GLIS1: variants seen among roughly 807,000 people sequenced by gnomAD.
GLIS1 encodes zinc finger protein GLIS1.
A neutral mutation model predicts 63.8 loss-of-function variants in GLIS1; 24 were observed. The ratio of observed to expected loss-of-function variants is 0.38; its 90% CI spans 0.27 to 0.53. GLIS1 has a LOEUF of 0.53. Among genes scored for constraint, GLIS1 ranks in the 20% least tolerant of loss-of-function variants. The pLI is 0.85. For synonymous variants in GLIS1, 450 were observed against 482.5 expected (o/e 0.93, Z 0.88); for missense variants, 1,036 against 1,074.1 (o/e 0.96, Z 0.50).
intron 2 of GLIS1, among the ~76,000 whole-genome samples, chr1:53,623,267 GA>G: frequency 6.6e-6 from 1 of 152,080 alleles, no homozygotes; most frequent in East Asian, 1.9e-4. Flanking sequence ...TCTAAATTGA[GA>G]AACATAATTC....
At chr1:53,536,087 G>A (rs1644578832) in intron 4 of GLIS1, among the ~76,000 whole-genome samples, 1 of 152,128 alleles carries the variant, frequency 6.6e-6, no homozygotes, top group Admixed American at 6.5e-5. Context: ...TGGGGGCTCT[G>A]TGAACCACTG....
intron 4 of GLIS1, among the ~76,000 whole-genome samples, chr1:53,575,428 A>G (rs1160500266): frequency 6.6e-6 from 1 of 151,992 alleles, no homozygotes; most frequent in Non-Finnish European, 1.5e-5. Context: ...CTCATCTCCA[A>G]GCTTTGCCTA....
At chr1:53,578,686 G>C (rs1391127555) in intron 4 of GLIS1, among the ~76,000 whole-genome samples, 3 of 152,192 alleles carry the variant, frequency 2.0e-5, no homozygotes, top group Non-Finnish European at 4.4e-5. Flanking sequence ...AATTAAGTGA[G>C]CTTAGGTTTT....
intron 4 of GLIS1, among the ~76,000 whole-genome samples, chr1:53,545,195 C>T (rs1275133491): frequency 6.6e-6 from 1 of 152,154 alleles, no homozygotes; most frequent in Non-Finnish European, 1.5e-5. Flanking sequence ...GAGTATCACC[C>T]CTCCCAGGGC....
intron 2 of GLIS1, among the ~76,000 whole-genome samples, chr1:53,690,944 G>A (rs140728005): frequency 1.2e-4 from 19 of 152,308 alleles, no homozygotes; most frequent in African/African-American, 4.6e-4. Flanking sequence ...TGGGGCAACT[G>A]AAGCACAGGT....
intron 4 of GLIS1, among the ~76,000 whole-genome samples, chr1:53,579,237 T>C (rs1645061672): frequency 6.6e-6 from 1 of 152,174 alleles, no homozygotes; most frequent in Non-Finnish European, 1.5e-5. Context: ...GGATTTACCA[T>C]CTCACCAATG....
At chr1:53,734,256 T>C in intron 2 of GLIS1, 1 of 953,710 alleles carries the variant, frequency 1.0e-6, no homozygotes, top group Non-Finnish European at 1.2e-6. Flanking sequence ...TTATCTGGTT[T>C]GGTGTGGGAA....
intron 2 of GLIS1, among the ~76,000 whole-genome samples, chr1:53,609,465 T>C (rs1301846988): frequency 6.6e-6 from 1 of 151,888 alleles, no homozygotes; most frequent in Non-Finnish European, 1.5e-5. Flanking sequence ...GAGATGGGGT[T>C]TTACCATATT....
chr1:53,594,749 G>T lies in GLIS1; in HGVS notation c.679C>A (p.Gln227Lys). The T allele has an allele frequency of 6.3e-7, 1 of 1,585,114 alleles. No individual in the cohort carries two copies. ...GSEPSSGLGLQPETHLPEGSL... is the reference protein window; with the variant it reads ...GSEPSSGLGLKPETHLPEGSL... ...CCCTCGGGGAGGTGGGTCTCGGGCTGGAGGCCCAGGCCAGAGCTGGGTTCG... is the reference window on the plus strand; with the variant it reads ...CCCTCGGGGAGGTGGGTCTCGGGCTTGAGGCCCAGGCCAGAGCTGGGTTCG... Residue 227 changes from glutamine to lysine, a missense_variant, in exon 4 of 11, where the codon CAG becomes AAG. By Grantham distance (53) the Gln-to-Lys change is moderately conservative (BLOSUM62 1). Around this residue, in one of 3 missense-constraint regions of GLIS1, gnomAD observed 592 missense variants for 593.9 expected, o/e 1.00. Transcript: ENST00000628545.
At chr1:53,636,406 A>T (rs1280337253) in intron 2 of GLIS1, among the ~76,000 whole-genome samples, 1 of 152,144 alleles carries the variant, frequency 6.6e-6, no homozygotes, top group Non-Finnish European at 1.5e-5. Flanking sequence ...TCCACTCATG[A>T]TTTTAAAATA....
chr1:53,686,380 T>C (rs1246156643), intron 2 of GLIS1, among the ~76,000 whole-genome samples: 1 of 152,210 alleles, frequency 6.6e-6, no homozygotes, highest in Non-Finnish European at 1.5e-5. Flanking sequence ...CTAGCCTCTC[T>C]GATGGAGGAC....
intron 4 of GLIS1, among the ~76,000 whole-genome samples, chr1:53,593,532 A>G (rs945350617): frequency 1.2e-4 from 18 of 152,208 alleles, no homozygotes; most frequent in Non-Finnish European, 2.6e-4. Flanking sequence ...CGCTACTGGT[A>G]CTACCCAGGG....
intron 4 of GLIS1, among the ~76,000 whole-genome samples, chr1:53,579,801 C>A (rs190232354): frequency 6.6e-6 from 1 of 152,332 alleles, no homozygotes; most frequent in Non-Finnish European, 1.5e-5. Flanking sequence ...ACAGGGCAAT[C>A]GCCTGCCCTG....
intron 2 of GLIS1, among the ~76,000 whole-genome samples, chr1:53,725,677 C>G (rs1646798692): frequency 6.6e-6 from 1 of 152,208 alleles, no homozygotes; most frequent in South Asian, 2.1e-4. Flanking sequence ...ACACTGGGAG[C>G]ACAGCGGGCA....
At position 53,701,625 on chromosome 1, in the gene GLIS1, G is replaced by A. The variant is rs577589441; in HGVS notation, c.259+36181C>T. On this transcript the variant is annotated intron_variant, in intron 2 of 10. Coordinates refer to ENST00000628545, the MANE Select transcript of GLIS1 (RefSeq NM_001367484.1). ...AATCTAAGCTAGAGTCTGGCTGCAGGGCCCTGGCTCTTAACCACCAGGACC... is the reference window on the plus strand; with the variant it reads ...AATCTAAGCTAGAGTCTGGCTGCAGAGCCCTGGCTCTTAACCACCAGGACC... Among the ~76,000 whole-genome samples the A allele has an allele frequency of 2.0e-4, 30 of 152,292 alleles. No homozygotes were observed. The South Asian group carries it at 6.0e-3, about 31-fold the overall frequency.
intron 1 of GLIS1, among the ~76,000 whole-genome samples, 197 bp from the exon 2 acceptor site, chr1:53,738,303 C>A (rs1646932974): frequency 6.6e-6 from 1 of 152,174 alleles, no homozygotes; most frequent in Non-Finnish European, 1.5e-5. Flanking sequence ...AGGAGCGGTT[C>A]GCCCTTCCCT....
At chr1:53,508,292 C>T (rs1644258088) in intron 10 of GLIS1, among the ~76,000 whole-genome samples, 1 of 152,210 alleles carries the variant, frequency 6.6e-6, no homozygotes, top group Non-Finnish European at 1.5e-5. Flanking sequence ...GGTGTGTGGA[C>T]GTGGACCCAC....
At chr1:53,667,634 A>T (rs1214888567) in intron 2 of GLIS1, among the ~76,000 whole-genome samples, 3 of 152,048 alleles carry the variant, frequency 2.0e-5, no homozygotes, top group African/African-American at 7.3e-5. Context: ...AACACCTAAC[A>T]CTGGGTAATT....
At chr1:53,633,040 A>C (rs1465558838) in intron 2 of GLIS1, among the ~76,000 whole-genome samples, 17 of 84,016 alleles carry the variant, frequency 2.0e-4, no homozygotes, top group African/African-American at 6.7e-4. Context: ...CATGTGTATG[A>C]GTGTGACCGA....
Sources: allele counts gnomAD v4.1 joint callset (sites outside exome capture counted in the v4.1 genomes callset), GRCh38; gene constraint gnomAD v4.1.1; regional missense constraint gnomAD v4.1.1; transcripts MANE v1.5; gene names NCBI Gene and HGNC (gene_info 2026-07-23, HGNC 2026-07-21).